GRM1: variants seen among roughly 807,000 people sequenced by gnomAD.
GRM1 encodes the protein glutamate metabotropic receptor 1, also known as metabotropic glutamate receptor 1.
In GRM1, 33 loss-of-function variants were observed where a neutral mutation model predicts 90.9. The observed-to-expected ratio is 0.36, with a 90% CI of 0.28 to 0.49. GRM1 has a LOEUF of 0.49. Ranked by LOEUF, GRM1 falls within the 20% of genes least tolerant of loss-of-function variation. The pLI, the probability that GRM1 is intolerant of heterozygous loss-of-function variation, is 0.99. For missense variants in GRM1, 1,190 were observed against 1,534.3 expected (o/e 0.78, Z 3.75); for synonymous variants, 700 against 613.2 (o/e 1.14, Z -2.09).
chr6:146,218,409 T>C (rs1173157344), intron 2 of GRM1, among the ~76,000 whole-genome samples: 1 of 152,122 alleles, frequency 6.6e-6, no homozygotes, highest in Non-Finnish European at 1.5e-5. Context: ...AGATACAAAG[T>C]ACAACTTTTA....
chr6:146,381,936 A>G (rs1776333208), intron 5 of GRM1, among the ~76,000 whole-genome samples: 1 of 152,198 alleles, frequency 6.6e-6, no homozygotes, highest in African/African-American at 2.4e-5. Context: ...CAAAGTGGAC[A>G]TTTAATTTCC....
rs1282515741 is a variant in GRM1 at position 146,436,028 on chromosome 6, G to A, written c.*1232G>A. 6.6e-6 allele frequency: 1 copy of A among 152,608 alleles called. No individual in the cohort carries two copies. The highest frequency in any genetic ancestry group is 2.4e-5 in the African/African-American group (1 of 41,434). The allele number at this position is 152,608 out of a possible 1,614,324, so 9.5% of individuals were successfully genotyped here. A position where few individuals can be genotyped will look rare whatever the true frequency, so the allele number is the denominator to read the frequency against. On this transcript the variant is annotated 3_prime_UTR_variant, in exon 8 of 8. Transcript: ENST00000282753. ...CGAGTGAATGTGTTCCTGTGTCCTT[G>A]TATATGTGCGATCGTAAAATTTGTG...
intron 2 of GRM1, among the ~76,000 whole-genome samples, chr6:146,268,743 C>T (rs989059613): frequency 2.0e-5 from 3 of 152,208 alleles, no homozygotes; most frequent in Non-Finnish European, 4.4e-5. Flanking sequence ...CTTCAGTTAT[C>T]CTCTCTTAAA....
intron 3 of GRM1, among the ~76,000 whole-genome samples, chr6:146,345,873 T>C (rs1019661713): frequency 6.6e-6 from 1 of 152,230 alleles, no homozygotes; most frequent in Non-Finnish European, 1.5e-5. Context: ...TGTAGCATAC[T>C]CTGTCTCTGT....
At chr6:146,086,657 C>T (rs900191354) in intron 1 of GRM1, among the ~76,000 whole-genome samples, 2 of 151,878 alleles carry the variant, frequency 1.3e-5, no homozygotes, top group African/African-American at 2.4e-5. Context: ...ATCATTAATG[C>T]GTCCTGCTCT....
intron 6 of GRM1, among the ~76,000 whole-genome samples, chr6:146,388,734 G>A (rs35642670): frequency 0.038 from 5,706 of 152,108 alleles, 163 homozygotes; most frequent in Non-Finnish European, 0.06. Context: ...CGCTGGAGTG[G>A]AACTCAGCAG....
At chr6:146,172,336 A>G (rs373642721) in intron 2 of GRM1, among the ~76,000 whole-genome samples, 54 of 152,224 alleles carry the variant, frequency 3.5e-4, no homozygotes, top group African/African-American at 1.2e-3. Flanking sequence ...TAAGCATTGT[A>G]TTTACATTGG....
At chr6:146,322,496 G>A (rs1347643144) in intron 3 of GRM1, among the ~76,000 whole-genome samples, 1 of 152,180 alleles carries the variant, frequency 6.6e-6, no homozygotes, top group Non-Finnish European at 1.5e-5. Flanking sequence ...GGACCCACAA[G>A]CTCCCCTTCC....
intron 1 of GRM1, among the ~76,000 whole-genome samples, chr6:146,153,184 T>C (rs1383330073): frequency 1.3e-5 from 2 of 152,208 alleles, no homozygotes; most frequent in Non-Finnish European, 2.9e-5. Context: ...TAGACAGTTT[T>C]CCTGATTCTT....
At chr6:146,167,462 A>C (rs1777949823) in intron 2 of GRM1, among the ~76,000 whole-genome samples, 1 of 152,130 alleles carries the variant, frequency 6.6e-6, no homozygotes, top group South Asian at 2.1e-4. Context: ...CTGTATAAGA[A>C]ATTGACTATT....
chr6:146,382,481 C>T lies in GRM1; in HGVS notation c.1603-4409C>T, dbSNP rs575921526. On this transcript the variant is annotated intron_variant, in intron 5 of 7. Transcript: ENST00000282753. ...ATAATGCTTTGAAAGACTCACTGCT[C>T]TAAAATACTCACTAAAGCATGTGAC... Among the ~76,000 whole-genome samples, 106 of 152,156 alleles carry T rather than the reference C, an allele frequency of 7.0e-4. 1 individual carries two copies. In the Middle Eastern group the frequency reaches 0.02, roughly 29 times the overall value.
At chr6:146,407,717 G>A (rs1293918233) in intron 7 of GRM1, among the ~76,000 whole-genome samples, 1 of 151,798 alleles carries the variant, frequency 6.6e-6, no homozygotes, top group Admixed American at 6.6e-5. Context: ...GAGTAAATGG[G>A]GCCAAAAATC....
intron 7 of GRM1, among the ~76,000 whole-genome samples, chr6:146,407,205 A>C (rs1478168011): frequency 6.6e-6 from 1 of 152,188 alleles, no homozygotes; most frequent in African/African-American, 2.4e-5. Context: ...GACCACCTGG[A>C]AAGCCACATG....
rs952268906 is a variant in GRM1 at position 146,434,215 on chromosome 6, C to G, written c.3004C>G (p.Leu1002Val). The G allele has an allele frequency of 6.2e-7, 1 of 1,608,770 alleles. No homozygotes were observed. Among genetic ancestry groups the G allele is most frequent in the Non-Finnish European group, 8.5e-7 (1 of 1,176,294 alleles). ...CCACCTGACCGCAGAGGAGACCCCC[C>G]TCTTCCTGGCCGAACCAGCCCTCCC... ...PSHLTAEETP[L>V]FLAEPALPKG... Residue 1002 changes from leucine to valine, a missense_variant, in exon 8 of 8, where the codon CTC becomes GTC. Physicochemically the swap from Leu to Val is conservative, Grantham distance 32. Around this residue, in one of 10 missense-constraint regions of GRM1, gnomAD observed 400 missense variants for 360.8 expected, o/e 1.11. Coordinates refer to ENST00000282753, the MANE Select transcript of GRM1 (RefSeq NM_001278064.2).
intron 7 of GRM1, among the ~76,000 whole-genome samples, chr6:146,403,132 G>A (rs563614978): frequency 1.4e-4 from 22 of 152,170 alleles, no homozygotes; most frequent in African/African-American, 4.8e-4. Flanking sequence ...ACATTTATGA[G>A]GAAGTAAATT....
intron 2 of GRM1, among the ~76,000 whole-genome samples, chr6:146,218,606 A>G (rs1167120133): frequency 6.6e-6 from 1 of 152,222 alleles, no homozygotes; most frequent in Non-Finnish European, 1.5e-5. Context: ...CTTGTTGAAT[A>G]AAATGTATGA....
At chr6:146,199,238 T>C (rs1412643536) in intron 2 of GRM1, among the ~76,000 whole-genome samples, 2 of 152,206 alleles carry the variant, frequency 1.3e-5, no homozygotes, top group African/African-American at 2.4e-5. Context: ...ATATCCAGCA[T>C]AGCATGCCCA....
At chr6:146,123,158 T>A (rs976715458) in intron 1 of GRM1, among the ~76,000 whole-genome samples, 22 of 152,132 alleles carry the variant, frequency 1.4e-4, no homozygotes, top group Admixed American at 1.0e-3. Context: ...TTTCTTTTAT[T>A]AACCTTGTTT....
chr6:146,316,465 C>G (rs759638888), intron 3 of GRM1, among the ~76,000 whole-genome samples: 2 of 152,204 alleles, frequency 1.3e-5, no homozygotes, highest in South Asian at 2.1e-4. Flanking sequence ...GGGACTGTTA[C>G]GTTGTCTACC....
Sources: gnomAD v4.1 joint callset for allele counts (sites outside exome capture counted in the v4.1 genomes callset) on GRCh38, gnomAD v4.1.1 for gene constraint, gnomAD v4.1.1 regional missense constraint, MANE v1.5 for transcripts, NCBI Gene and HGNC (gene_info 2026-07-23, HGNC 2026-07-21) for gene names.